Variants in SYT11 observed in about 807,000 individuals in gnomAD.
SYT11 encodes the protein synaptotagmin-11.
In SYT11, 12 loss-of-function variants were observed where a neutral mutation model predicts 30.4. That is an observed-to-expected ratio of 0.39 (90% CI 0.25 to 0.64). The LOEUF (loss-of-function observed/expected upper bound fraction) is 0.64, where lower values mean the gene tolerates loss of function less well. SYT11 is among the 30% of genes least tolerant of loss of function. The probability of loss-of-function intolerance (pLI) is 0.45; values close to 1 mark genes in which losing one functional copy is unlikely to be tolerated. For missense variants in SYT11, 412 were observed against 552.0 expected (o/e 0.75, Z 2.54); for synonymous variants, 204 against 216.0 (o/e 0.94, Z 0.49).
chr1:155,865,770 T>C (rs2102555588), intron 1 of SYT11, among the ~76,000 whole-genome samples: 2 of 149,950 alleles, frequency 1.3e-5, no homozygotes, highest in East Asian at 4.1e-4. Flanking sequence ...CTCCACCTCC[T>C]GGGCTCAAGT....
intron 2 of SYT11, among the ~76,000 whole-genome samples, chr1:155,873,951 A>G (rs1242273400): frequency 6.6e-6 from 1 of 152,236 alleles, no homozygotes; most frequent in East Asian, 1.9e-4. Context: ...GATTTCTGGC[A>G]AAAGGAAAAA....
chr1:155,878,447 C>G (rs1245716784), intron 2 of SYT11, among the ~76,000 whole-genome samples: 2 of 152,150 alleles, frequency 1.3e-5, no homozygotes, highest in African/African-American at 4.8e-5. Context: ...CTTACCTTTT[C>G]AGGCCCAACT....
rs1249021434 is a variant in SYT11 at position 155,860,450 on chromosome 1, G to A, written c.34+655G>A. Among the ~76,000 whole-genome samples, 1 of 152,176 alleles carries A rather than the reference G, an allele frequency of 6.6e-6. No homozygotes were observed. Among genetic ancestry groups the A allele is most frequent in the Non-Finnish European group, 1.5e-5 (1 of 68,020 alleles). On this transcript the variant is annotated intron_variant, in intron 1 of 3. Transcript: ENST00000368324. The surrounding 1 kb of genome is among the most constrained non-coding windows in gnomAD (Gnocchi z 4.1). ...CCTCCGATGCTACCAAATGGCGCTT[G>A]GCGCTGCTGGGCTGGGGGATGACGT...
At chr1:155,862,786 C>T (rs775504775) in intron 1 of SYT11, among the ~76,000 whole-genome samples, 3 of 152,210 alleles carry the variant, frequency 2.0e-5, no homozygotes, top group Non-Finnish European at 4.4e-5. Flanking sequence ...TTCCTCTTCT[C>T]ATAGAGACAG....
At chr1:155,867,580 T>G (rs1441314633) in intron 1 of SYT11, among the ~76,000 whole-genome samples, 1 of 152,112 alleles carries the variant, frequency 6.6e-6, no homozygotes, top group Non-Finnish European at 1.5e-5. Flanking sequence ...AAACATCTTG[T>G]GTAACAGTTG....
chr1:155,877,669 G>T (rs779296464), intron 2 of SYT11, among the ~76,000 whole-genome samples: 1 of 150,658 alleles, frequency 6.6e-6, no homozygotes, highest in Admixed American at 6.6e-5. Context: ...TTCTCCTGCC[G>T]CAGCCTCCCC....
chr1:155,870,518 A>G (rs986203350), intron 2 of SYT11, among the ~76,000 whole-genome samples: 1 of 152,252 alleles, frequency 6.6e-6, no homozygotes. Context: ...TTTCGAGGCC[A>G]CTAGAAACAA....
At chr1:155,864,687 T>C (rs1672640887) in intron 1 of SYT11, among the ~76,000 whole-genome samples, 1 of 151,784 alleles carries the variant, frequency 6.6e-6, no homozygotes, top group Non-Finnish European at 1.5e-5. Flanking sequence ...CCCTGATATA[T>C]GTAATCATCT....
At position 155,868,558 on chromosome 1, in the gene SYT11, G is replaced by A; in HGVS notation, c.628G>A (p.Val210Met). 6.2e-7 allele frequency: 1 copy of A among 1,614,210 alleles called. No individual in the cohort carries two copies. The highest frequency in any genetic ancestry group is 8.5e-7 in the Non-Finnish European group (1 of 1,180,034). The part of the protein sequence containing the change: ...MTILPDKRHR[V>M]KTRVLRKTLD... ...CATCCTTCCTGACAAACGGCATCGG[G>A]TGAAGACCAGAGTGCTGCGGAAGAC... is the stretch of plus-strand genomic sequence containing the variant. The change falls in exon 2 of 4, where the codon GTG becomes ATG. Residue 210 changes from valine (V) to methionine (M), a missense_variant. Transcript: ENST00000368324. This position sits in a 1 kb window ranked among gnomAD's most constrained non-coding sequence, Gnocchi z 4.7.
At chr1:155,861,587 CCAAA>C (rs1672591405) in intron 1 of SYT11, among the ~76,000 whole-genome samples, 1 of 152,248 alleles carries the variant, frequency 6.6e-6, no homozygotes, top group Admixed American at 6.5e-5. Context: ...TTGGCTAAAG[CCAAA>C]CAAATGACTA....
chr1:155,869,724 C>T (rs1253155965), intron 2 of SYT11, among the ~76,000 whole-genome samples: 2 of 152,188 alleles, frequency 1.3e-5, no homozygotes, highest in Non-Finnish European at 2.9e-5. Flanking sequence ...GGCCCTCCAT[C>T]CTGCCTTCTC....
intron 2 of SYT11, among the ~76,000 whole-genome samples, chr1:155,873,477 A>G (rs1672810599): frequency 6.6e-6 from 1 of 152,222 alleles, no homozygotes; most frequent in Non-Finnish European, 1.5e-5. Flanking sequence ...CTTCCTCTGT[A>G]TATAAAGTTA....
chr1:155,876,688 A>G (rs1571978942), intron 2 of SYT11, among the ~76,000 whole-genome samples: 1 of 151,910 alleles, frequency 6.6e-6, no homozygotes, highest in Admixed American at 6.6e-5. Context: ...ACCCCTGACA[A>G]TTCTTCCTGA....
In SYT11 at chr1:155,884,683, A is replaced by G. The variant is rs1035984179; in HGVS notation, c.*3175A>G. On this transcript the variant is annotated 3_prime_UTR_variant, in exon 4 of 4. Coordinates refer to ENST00000368324, the MANE Select transcript of SYT11 (RefSeq NM_152280.5). ...AGGGAATGGTCACTTCTGATTTTCCAACAGTTGCTCCTTCTCTGAAGAGAT... is the reference window on the plus strand; with the variant it reads ...AGGGAATGGTCACTTCTGATTTTCCGACAGTTGCTCCTTCTCTGAAGAGAT... 3.0e-4 allele frequency: 46 copies of G among 152,782 alleles called. No individual in the cohort carries two copies. Among genetic ancestry groups the G allele is most frequent in the African/African-American group, 1.1e-3 (44 of 41,454 alleles). The allele number at this position is 152,782 out of a possible 1,614,324, so 9.5% of individuals were successfully genotyped here.
intron 2 of SYT11, among the ~76,000 whole-genome samples, chr1:155,871,378 G>C (rs1306514554): frequency 7.2e-5 from 11 of 152,144 alleles, no homozygotes. Flanking sequence ...TGAAGGAGGA[G>C]CCTTTCCAAT....
chr1:155,881,772 G>A lies in SYT11; in HGVS notation c.*264G>A, dbSNP rs1016207131. 1.0e-4 allele frequency: 28 copies of A among 270,640 alleles called. No homozygotes were observed. The highest frequency in any genetic ancestry group is 1.1e-4 in the Non-Finnish European group (16 of 143,604). 16.8% of individuals were successfully genotyped at this position (270,640 alleles called of 1,614,324 possible). ...AGGTGGAGTTTCGCTCTTGTTGCCC[G>A]GGCTGGAGTGCAATGGTGAGATCTC... is the stretch of plus-strand genomic sequence containing the variant. On this transcript the variant is annotated 3_prime_UTR_variant, in exon 4 of 4. Transcript: ENST00000368324.
intron 1 of SYT11, among the ~76,000 whole-genome samples, chr1:155,862,348 G>A (rs1482834277): frequency 6.6e-6 from 1 of 152,190 alleles, no homozygotes; most frequent in Non-Finnish European, 1.5e-5. Context: ...GCAAGACAGA[G>A]AGCTCTAGGT....
chr1:155,869,261 G>GTATT, intron 2 of SYT11, among the ~76,000 whole-genome samples: 1 of 90,756 alleles, frequency 1.1e-5, no homozygotes, highest in South Asian at 4.0e-4. Context: ...CCATGTACAT[G>GTATT]TCTTTTTTTT....
intron 1 of SYT11, among the ~76,000 whole-genome samples, chr1:155,866,690 CT>C (rs1441093742): frequency 6.6e-6 from 1 of 151,358 alleles, no homozygotes; most frequent in Non-Finnish European, 1.5e-5. Flanking sequence ...TTAAGCAAGG[CT>C]AGGAAGAGTG....
Sources: allele counts gnomAD v4.1 joint callset (sites outside exome capture counted in the v4.1 genomes callset), GRCh38; gene constraint gnomAD v4.1.1; non-coding constraint Gnocchi (gnomAD v3.1); transcripts MANE v1.5; gene names NCBI Gene and HGNC (gene_info 2026-07-23, HGNC 2026-07-21).